Variants in MYMX observed in about 807,000 individuals in gnomAD.
MYMX encodes the protein protein myomixer.
At chr6:44,216,652 CAAAAAAA>C (rs547725984), upstream of MYMX, among the ~76,000 whole-genome samples, 2 of 117,280 alleles carry the variant, frequency 1.7e-5, no homozygotes, top group Non-Finnish European at 3.5e-5. Context: ...AACTCTGTCT[CAAAAAAA>C]AAAAAAAAAA....
the MYMX span, among the ~76,000 whole-genome samples, chr6:44,201,619 C>A: frequency 6.6e-6 from 1 of 152,208 alleles, no homozygotes; most frequent in Non-Finnish European, 1.5e-5. Context: ...GATCTAAGTG[C>A]TGCCCATGAG....
the MYMX span, among the ~76,000 whole-genome samples, chr6:44,193,236 T>C: frequency 2.6e-5 from 4 of 152,178 alleles, no homozygotes; most frequent in Non-Finnish European, 4.4e-5. Flanking sequence ...CAAAGAGTGC[T>C]ACTAGTCATT....
Position 44,217,626 on chromosome 6 carries a change from G to A in MYMX, c.155G>A (p.Cys52Tyr), listed in dbSNP as rs899579468. The change falls in exon 2 of 2, where the codon TGT (cysteine) becomes TAT (tyrosine). Residue 52 changes from cysteine to tyrosine, a missense_variant. Cys to Tyr is a radical substitution (Grantham distance 194). Coordinates refer to ENST00000573382, the MANE Select transcript of MYMX (RefSeq NM_001315494.2). Reference protein sequence around the residue: ...SQDMREALLGCLLFILSQRHS... With the variant: ...SQDMREALLGYLLFILSQRHS... ...GACATGCGAGAGGCTTTGCTGGGCT[G>A]TCTGCTGTTCATTCTCAGCCAGCGA... 5.0e-6 allele frequency: 2 copies of A among 401,176 alleles called. No homozygotes were observed. Among genetic ancestry groups the A allele is most frequent in the African/African-American group, 2.1e-5 (1 of 48,740 alleles). The allele number at this position is 401,176 out of a possible 1,614,324, so 24.9% of individuals were successfully genotyped here.
chr6:44,197,328 T>G, the MYMX span, among the ~76,000 whole-genome samples: 1 of 152,068 alleles, frequency 6.6e-6, no homozygotes, highest in Non-Finnish European at 1.5e-5. Context: ...AGGTCAGGAG[T>G]TCGAGACCAG....
chr6:44,204,342 G>T, the MYMX span, among the ~76,000 whole-genome samples: 2 of 151,992 alleles, frequency 1.3e-5, no homozygotes, highest in African/African-American at 4.8e-5. Context: ...TTTGAAGGAG[G>T]TCACAGATGA....
At chr6:44,206,284 T>A in the MYMX span, among the ~76,000 whole-genome samples, 2 of 152,148 alleles carry the variant, frequency 1.3e-5, no homozygotes, top group Non-Finnish European at 2.9e-5. Context: ...CAGGCTAGAG[T>A]GCAGTGGCTC....
chr6:44,210,821 T>C, the MYMX span, among the ~76,000 whole-genome samples: 5 of 152,228 alleles, frequency 3.3e-5, no homozygotes, highest in African/African-American at 1.2e-4. Context: ...AAATATGTCC[T>C]TTGCCACTTC....
chr6:44,207,156 G>A, the MYMX span, among the ~76,000 whole-genome samples: 4 of 152,134 alleles, frequency 2.6e-5, no homozygotes, highest in Admixed American at 2.0e-4. Context: ...CTGTGACAGG[G>A]AAGGTCTTTA....
chr6:44,211,050 G>C, the MYMX span, among the ~76,000 whole-genome samples: 1 of 152,202 alleles, frequency 6.6e-6, no homozygotes, highest in East Asian at 1.9e-4. Flanking sequence ...AGGAGTTTGA[G>C]GTTGCAGTGA....
the MYMX span, among the ~76,000 whole-genome samples, chr6:44,205,998 C>CAA: frequency 2.1e-4 from 19 of 91,226 alleles, no homozygotes; most frequent in Admixed American, 2.0e-3. Flanking sequence ...AAAAACAAAA[C>CAA]AAAAAAAAAC....
At chr6:44,194,584 C>A in the MYMX span, among the ~76,000 whole-genome samples, 23 of 152,178 alleles carry the variant, frequency 1.5e-4, no homozygotes, top group Admixed American at 9.2e-4. Context: ...CACAAAGAGC[C>A]AACTCCTGCC....
chr6:44,206,378 C>T, the MYMX span, among the ~76,000 whole-genome samples: 1 of 151,954 alleles, frequency 6.6e-6, no homozygotes, highest in Non-Finnish European at 1.5e-5. Context: ...TACAGGCGCC[C>T]GCCACAACGT....
chr6:44,206,624 T>G, the MYMX span, among the ~76,000 whole-genome samples: 1 of 152,230 alleles, frequency 6.6e-6, no homozygotes, highest in Non-Finnish European at 1.5e-5. Flanking sequence ...TCTTTTATTT[T>G]TTGGTCTAGT....
chr6:44,197,237 A>AAAAC, the MYMX span, among the ~76,000 whole-genome samples: 1 of 152,030 alleles, frequency 6.6e-6, no homozygotes, highest in Non-Finnish European at 1.5e-5. Flanking sequence ...CTTCATCTCA[A>AAAAC]AAACAAACAA....
chr6:44,196,243 C>G, the MYMX span, among the ~76,000 whole-genome samples: 8 of 152,130 alleles, frequency 5.3e-5, no homozygotes, highest in Non-Finnish European at 1.0e-4. Flanking sequence ...TTGTACATAT[C>G]TCCGTATCAT....
At chr6:44,205,992 AC>A in the MYMX span, among the ~76,000 whole-genome samples, 31,925 of 114,074 alleles carry the variant, frequency 0.28, 8,633 homozygotes, top group Non-Finnish European at 0.37. Flanking sequence ...AAAAAAAAAA[AC>A]AAAACAAAAA....
At chr6:44,211,619 CTTT>C in the MYMX span, among the ~76,000 whole-genome samples, 7 of 137,394 alleles carry the variant, frequency 5.1e-5, no homozygotes, top group Admixed American at 1.5e-4. Context: ...CTTTTCTTTT[CTTT>C]TTTTTTTTTT....
At chr6:44,217,322 C>T in intron 1 of MYMX, 128 bp from the exon 2 acceptor site, 1 of 397,448 alleles carries the variant, frequency 2.5e-6, no homozygotes, top group Non-Finnish European at 4.4e-6. Flanking sequence ...GCAAAAATGA[C>T]CTACAAATTG....
chr6:44,216,666 AAAAAAAG>A (rs1775883652), upstream of MYMX, among the ~76,000 whole-genome samples: 1 of 150,802 alleles, frequency 6.6e-6, no homozygotes. Flanking sequence ...AAAAAAAAAA[AAAAAAAG>A]AAGAAGAGAA....
Sources: gnomAD v4.1 joint callset for allele counts (sites outside exome capture counted in the v4.1 genomes callset) on GRCh38, gnomAD v4.1.1 for gene constraint, MANE v1.5 for transcripts, NCBI Gene and HGNC (gene_info 2026-07-23, HGNC 2026-07-21) for gene names.